Variants in ERBB4 observed in about 807,000 individuals in gnomAD.
The protein encoded by ERBB4 is erb-b2 receptor tyrosine kinase 4.
ERBB4 carries 42 observed loss-of-function variants against 158.0 expected under a neutral mutation model. The observed-to-expected ratio is 0.27, with a 90% CI of 0.21 to 0.34. ERBB4 has a LOEUF of 0.34. ERBB4 is among the 10% of genes least tolerant of loss of function. The pLI is 1.00. For missense variants in ERBB4, 1,333 were observed against 1,624.1 expected (o/e 0.82, Z 3.08); for synonymous variants, 583 against 558.7 (o/e 1.04, Z -0.61).
At chr2:211,751,936 T>A (rs1418143961) in intron 4 of ERBB4, among the ~76,000 whole-genome samples, 1 of 152,196 alleles carries the variant, frequency 6.6e-6, no homozygotes, top group Non-Finnish European at 1.5e-5. Flanking sequence ...TCAATTCCAG[T>A]CATCTTAAAA....
intron 1 of ERBB4, among the ~76,000 whole-genome samples, chr2:212,131,644 A>C (rs922919408): frequency 3.9e-5 from 6 of 152,210 alleles, no homozygotes; most frequent in Non-Finnish European, 8.8e-5. Context: ...ATAGTAGCAG[A>C]TTCTATCAAT....
chr2:211,917,161 T>C (rs536596796), intron 3 of ERBB4, among the ~76,000 whole-genome samples: 2 of 152,284 alleles, frequency 1.3e-5, no homozygotes, highest in South Asian at 4.1e-4. Context: ...TAAAATGTTC[T>C]CAGATGGTTT....
chr2:211,545,520 A>C (rs1274877832), intron 20 of ERBB4, among the ~76,000 whole-genome samples: 1 of 152,136 alleles, frequency 6.6e-6, no homozygotes, highest in Non-Finnish European at 1.5e-5. Context: ...ATATAAAAAT[A>C]GATGGGATAA....
Position 211,388,064 on chromosome 2 carries a change from C to T in ERBB4, c.3136-72G>A, listed in dbSNP as rs541138862. On this transcript the variant is annotated intron_variant, in intron 25 of 27. Transcript: ENST00000342788. ...TGAATGAAAAAATTAAAAAAAGAAA[C>T]GAAAAAGAAAAGCCACATGGGTCGT... The T allele has an allele frequency of 1.7e-4, 207 of 1,230,492 alleles. 2 individuals carry two copies. The highest frequency in any genetic ancestry group is 1.5e-3 in the South Asian group (124 of 80,254). The allele number at this position is 1,230,492 out of a possible 1,614,324, so 76.2% of individuals were successfully genotyped here. A position where few individuals can be genotyped will look rare whatever the true frequency, so the allele number is the denominator to read the frequency against.
At chr2:211,945,841 T>C (rs2080673564) in intron 3 of ERBB4, among the ~76,000 whole-genome samples, 1 of 152,098 alleles carries the variant, frequency 6.6e-6, no homozygotes. Flanking sequence ...TCTTATGGAA[T>C]AATAACAAGA....
intron 1 of ERBB4, among the ~76,000 whole-genome samples, chr2:212,458,091 T>A (rs1182090162): frequency 6.6e-6 from 1 of 152,106 alleles, no homozygotes; most frequent in African/African-American, 2.4e-5. Flanking sequence ...TTAAAATAAT[T>A]CATGTCAACA....
At chr2:211,661,148 TGAAA>T (rs1346125389) in intron 15 of ERBB4, among the ~76,000 whole-genome samples, 2 of 151,860 alleles carry the variant, frequency 1.3e-5, no homozygotes, top group Non-Finnish European at 2.9e-5. Flanking sequence ...AAACTGAGAA[TGAAA>T]GAAAAAAATG....
At chr2:212,476,134 C>A (rs548846235) in intron 1 of ERBB4, among the ~76,000 whole-genome samples, 1 of 133,686 alleles carries the variant, frequency 7.5e-6, no homozygotes, top group Non-Finnish European at 1.6e-5. Context: ...CACATACATA[C>A]TCTCTCTCTC....
chr2:211,772,167 C>T (rs1340549856), intron 4 of ERBB4, among the ~76,000 whole-genome samples: 2 of 152,138 alleles, frequency 1.3e-5, no homozygotes, highest in Non-Finnish European at 2.9e-5. Context: ...CCAAAATCCA[C>T]ACTGATTGCT....
intron 12 of ERBB4, among the ~76,000 whole-genome samples, chr2:211,693,843 G>A (rs2072911963): frequency 6.6e-6 from 1 of 152,164 alleles, no homozygotes; most frequent in African/African-American, 2.4e-5. Context: ...TGGGCTCTCA[G>A]AGGGAGAATG....
intron 19 of ERBB4, among the ~76,000 whole-genome samples, chr2:211,593,302 A>G (rs1419520530): frequency 6.6e-6 from 1 of 152,200 alleles, no homozygotes; most frequent in Non-Finnish European, 1.5e-5. Flanking sequence ...GAAGTGTGGG[A>G]GTAAAATAAA....
At chr2:212,069,193 C>A (rs2078035059) in intron 2 of ERBB4, among the ~76,000 whole-genome samples, 3 of 151,942 alleles carry the variant, frequency 2.0e-5, no homozygotes, top group Admixed American at 2.0e-4. Flanking sequence ...AAAATATTAG[C>A]AAGCCAAATC....
chr2:212,248,424 C>G (rs904843240), intron 1 of ERBB4, among the ~76,000 whole-genome samples: 1 of 152,078 alleles, frequency 6.6e-6, no homozygotes, highest in Non-Finnish European at 1.5e-5. Flanking sequence ...TGGTTTATGG[C>G]ATGGCTATAA....
chr2:212,446,589 A>ATATGATCAATTATTT (rs2092354780), intron 1 of ERBB4, among the ~76,000 whole-genome samples: 1 of 22,712 alleles, frequency 4.4e-5, no homozygotes, highest in Non-Finnish European at 7.0e-5. Context: ...ATATATATAT[A>ATATGATCAATTATTT]TGTATATATA....
intron 1 of ERBB4, among the ~76,000 whole-genome samples, chr2:212,267,481 T>C (rs2085179494): frequency 6.6e-6 from 1 of 151,918 alleles, no homozygotes; most frequent in African/African-American, 2.4e-5. Context: ...TTTTAGTGTA[T>C]ACTTTTCAGG....
intron 20 of ERBB4, among the ~76,000 whole-genome samples, chr2:211,521,352 A>T (rs1424084780): frequency 6.6e-6 from 1 of 152,190 alleles, no homozygotes; most frequent in Non-Finnish European, 1.5e-5. Flanking sequence ...CACAGCATTC[A>T]TCTAGACCAA....
chr2:212,503,378 C>A (rs1378060290), intron 1 of ERBB4, among the ~76,000 whole-genome samples: 2 of 152,118 alleles, frequency 1.3e-5, no homozygotes, highest in Non-Finnish European at 2.9e-5. Context: ...CCACAATATC[C>A]AGTAATAATA....
At chr2:212,314,101 T>A (rs113360824) in intron 1 of ERBB4, among the ~76,000 whole-genome samples, 4,683 of 151,206 alleles carry the variant, frequency 0.031, 93 homozygotes, top group Middle Eastern at 0.044. Context: ...AAATTTATCT[T>A]TCCCTAAAAT....
chr2:212,424,136 G>C (rs1226760916), intron 1 of ERBB4, among the ~76,000 whole-genome samples: 1 of 151,814 alleles, frequency 6.6e-6, no homozygotes, highest in Non-Finnish European at 1.5e-5. Flanking sequence ...GTCTCCTTGG[G>C]GCTAATACAA....
Sources: gnomAD v4.1 joint callset for allele counts (sites outside exome capture counted in the v4.1 genomes callset) on GRCh38, gnomAD v4.1.1 for gene constraint, MANE v1.5 for transcripts, NCBI Gene and HGNC (gene_info 2026-07-23, HGNC 2026-07-21) for gene names.